Variants in PMM2 observed in about 807,000 individuals in gnomAD.
PMM2 encodes phosphomannomutase 2.
In PMM2, 35 loss-of-function variants were observed where a neutral mutation model predicts 33.2. The ratio of observed to expected loss-of-function variants is 1.06; its 90% CI spans 0.81 to 1.40. The LOEUF is 1.40. Ranked by LOEUF, PMM2 falls within the 40% of genes most tolerant of loss-of-function variation. PMM2 has a pLI of 0.00. For missense variants in PMM2, 386 were observed against 306.0 expected, an observed-to-expected ratio of 1.26 and a Z score of -1.95; for synonymous variants, 153 against 114.7, an observed-to-expected ratio of 1.33 and a Z score of -2.13.
In PMM2 at chr16:8,849,147, CA is replaced by C. The variant is rs1194854381; in HGVS notation, c.*1325del. The C allele has an allele frequency of 1.3e-5, 2 of 152,242 alleles. No individual in the cohort carries two copies. The highest frequency in any genetic ancestry group is 2.9e-5 in the Non-Finnish European group (2 of 68,074). The allele number at this position is 152,242 out of a possible 1,614,324, so 9.4% of individuals were successfully genotyped here. On this transcript the variant is annotated 3_prime_UTR_variant, in exon 8 of 8. Transcript: ENST00000268261. ...CATCACAGCTAAACCTGGTTCCCTC[CA>C]AACCTCCCAGCCACTCGGGCTTGTA...
chr16:8,846,315 T>G (rs1162353965), intron 7 of PMM2, among the ~76,000 whole-genome samples: 1 of 152,246 alleles, frequency 6.6e-6, no homozygotes, highest in Non-Finnish European at 1.5e-5. Context: ...GTTTCCACGT[T>G]GGCTTCATGC....
intron 7 of PMM2, among the ~76,000 whole-genome samples, chr16:8,845,978 T>G (rs559388048): frequency 7.9e-5 from 12 of 152,262 alleles, no homozygotes; most frequent in Admixed American, 3.9e-4. Flanking sequence ...CAGAACTGAT[T>G]TCACATGTGT....
At chr16:8,804,730 C>G in intron 2 of PMM2, 37 bp from the exon 3 acceptor site, 1 of 1,426,562 alleles carries the variant, frequency 7.0e-7, no homozygotes, top group Non-Finnish European at 9.9e-7. Context: ...GGTTTTGATT[C>G]TTTGCATTCT....
At chr16:8,843,347 G>A (rs1038251758) in intron 7 of PMM2, among the ~76,000 whole-genome samples, 1 of 152,290 alleles carries the variant, frequency 6.6e-6, no homozygotes, top group Non-Finnish European at 1.5e-5. Flanking sequence ...ATTGGGCAGC[G>A]TCAATCTTCA....
chr16:8,838,151 C>T (rs1387737946), intron 7 of PMM2, among the ~76,000 whole-genome samples: 1 of 151,922 alleles, frequency 6.6e-6, no homozygotes, highest in Admixed American at 6.6e-5. Flanking sequence ...GTTTTGTGGG[C>T]AGGAGTGGAT....
Position 8,848,103 on chromosome 16 carries a change from T to A in PMM2, c.*278T>A. On this transcript the variant is annotated 3_prime_UTR_variant, in exon 8 of 8. Coordinates refer to ENST00000268261, the MANE Select transcript of PMM2 (RefSeq NM_000303.3). ...CTAGTCTAATACCCACCCTGATACG[T>A]GCAATCATGTAGTTTTGGCGGAAAT... is the stretch of plus-strand genomic sequence containing the variant. The A allele has an allele frequency of 2.3e-6, 1 of 434,462 alleles. No homozygotes were observed. Among genetic ancestry groups the A allele is most frequent in the Non-Finnish European group, 4.3e-6 (1 of 234,874 alleles). The allele number at this position is 434,462 out of a possible 1,614,324, so 26.9% of individuals were successfully genotyped here. A position where few individuals can be genotyped will look rare whatever the true frequency, so the allele number is the denominator to read the frequency against.
chr16:8,842,915 G>C (rs1391039883), intron 7 of PMM2, among the ~76,000 whole-genome samples: 2 of 152,120 alleles, frequency 1.3e-5, no homozygotes, highest in African/African-American at 4.8e-5. Flanking sequence ...GGAAGGAGTA[G>C]AAATGTCCCA....
chr16:8,824,549 C>T (rs186886278), intron 7 of PMM2, among the ~76,000 whole-genome samples: 90 of 152,246 alleles, frequency 5.9e-4, no homozygotes, highest in Non-Finnish European at 7.5e-4. Context: ...CATAGTTATA[C>T]GACTATAAAC....
At chr16:8,828,836 A>G (rs2060793069) in intron 7 of PMM2, among the ~76,000 whole-genome samples, 1 of 152,170 alleles carries the variant, frequency 6.6e-6, no homozygotes, top group Non-Finnish European at 1.5e-5. Flanking sequence ...TACTAAAGCA[A>G]TGCTTGGCAG....
intron 7 of PMM2, among the ~76,000 whole-genome samples, chr16:8,827,565 T>G (rs144789487): frequency 0.14 from 20,837 of 148,148 alleles, 1,602 homozygotes; most frequent in East Asian, 0.24. Context: ...CTGGCTAATT[T>G]TTGTATTTTT....
intron 7 of PMM2, among the ~76,000 whole-genome samples, chr16:8,837,071 G>A (rs1218329311): frequency 1.3e-5 from 2 of 151,912 alleles, no homozygotes; most frequent in Non-Finnish European, 2.9e-5. Context: ...AGGAGGAGAG[G>A]TCAGATGGGT....
chr16:8,835,258 G>T (rs12927499), intron 7 of PMM2, among the ~76,000 whole-genome samples: 41,173 of 150,688 alleles, frequency 0.27, 5,657 homozygotes, highest in South Asian at 0.33. Flanking sequence ...GTTTTGTAAG[G>T]GATTGAGGTT....
rs145154790 is a variant in PMM2 at position 8,813,476 on chromosome 16, GCATT to G, written c.639+376_639+379del. On this transcript the variant is annotated intron_variant, in intron 7 of 7. Coordinates refer to ENST00000268261, the MANE Select transcript of PMM2 (RefSeq NM_000303.3). ...TTTCCACTGTATTTGTCCACCCGAG[GCATT>G]CATTCTAAGTTGAACACGAGGGGCC... Among the ~76,000 whole-genome samples, 1,203 of 152,272 alleles carry G rather than the reference GCATT, an allele frequency of 7.9e-3. 17 individuals carry two copies. Among genetic ancestry groups the G allele is most frequent in the African/African-American group, 0.027 (1,121 of 41,536 alleles).
intron 1 of PMM2, among the ~76,000 whole-genome samples, chr16:8,799,702 C>G (rs569775003): frequency 7.0e-4 from 107 of 152,314 alleles, no homozygotes; most frequent in Admixed American, 1.4e-3. Flanking sequence ...CAGGCACCAC[C>G]ACGCCTGGCT....
At chr16:8,811,203 G>A (rs1281830135) in intron 5 of PMM2, 25 bp downstream of exon 5, 1 of 1,374,202 alleles carries the variant, frequency 7.3e-7, no homozygotes, top group Non-Finnish European at 1.0e-6. Context: ...AATATCTTTG[G>A]TGAATGGCTG....
Position 8,847,855 on chromosome 16 carries a change from T to C in PMM2, c.*30T>C. On this transcript the variant is annotated 3_prime_UTR_variant, in exon 8 of 8. Coordinates refer to ENST00000268261, the MANE Select transcript of PMM2 (RefSeq NM_000303.3). Reference sequence around the variant, plus strand: ...GGAGCGGGAGGGGCGGGGTCCCGGCTGACAAGCCAGCATAGGGCATTCGGT... The same window carrying C: ...GGAGCGGGAGGGGCGGGGTCCCGGCCGACAAGCCAGCATAGGGCATTCGGT... 5.2e-6 allele frequency: 8 copies of C among 1,552,230 alleles called. No individual in the cohort carries two copies. The highest frequency in any genetic ancestry group is 7.1e-6 in the Non-Finnish European group (8 of 1,127,392).
rs1373949965 is a variant in PMM2, at chr16:8,810,202, T to C, written c.348-877T>C. On this transcript the variant is annotated intron_variant, in intron 4 of 7. Coordinates refer to ENST00000268261, the MANE Select transcript of PMM2 (RefSeq NM_000303.3). ...GATCAAATCAAACATTTAGGAGCTGTCTGCTACTGGGTAAATTGAATTTCC... is the reference window on the plus strand; with the variant it reads ...GATCAAATCAAACATTTAGGAGCTGCCTGCTACTGGGTAAATTGAATTTCC... 2.0e-5 allele frequency: 3 copies of C among 152,264 alleles called. No homozygotes were observed. The East Asian group carries it at 5.8e-4, about 29-fold the overall frequency. The allele number at this position is 152,264 out of a possible 1,614,324, so 9.4% of individuals were successfully genotyped here.
chr16:8,832,008 T>C, intron 7 of PMM2: 1 of 340,168 alleles, frequency 2.9e-6, no homozygotes, highest in East Asian at 1.7e-4. Context: ...AAGTAACCTT[T>C]AGTGCATATG....
intron 7 of PMM2, among the ~76,000 whole-genome samples, chr16:8,839,535 G>A (rs1172921581): frequency 1.3e-5 from 2 of 152,180 alleles, no homozygotes; most frequent in South Asian, 4.1e-4. Flanking sequence ...CTGGGTAAAA[G>A]TAAACAAGAG....
Sources: gnomAD v4.1 joint callset for allele counts (sites outside exome capture counted in the v4.1 genomes callset) on GRCh38, gnomAD v4.1.1 for gene constraint, MANE v1.5 for transcripts, NCBI Gene and HGNC (gene_info 2026-07-23, HGNC 2026-07-21) for gene names.